Variants in SENP6 observed in about 807,000 individuals in gnomAD.
The protein encoded by SENP6 is SUMO specific peptidase 6, also known as sentrin-specific protease 6.
In SENP6, 41 loss-of-function variants were observed where a neutral mutation model predicts 134.5. The observed-to-expected ratio is 0.30, with a 90% CI of 0.24 to 0.40. The LOEUF is 0.40. SENP6 is among the 10% of genes least tolerant of loss of function. SENP6 has a pLI of 1.00. For synonymous variants in SENP6, 395 were observed against 429.8 expected (o/e 0.92, Z 1.00); for missense variants, 1,248 against 1,312.5 (o/e 0.95, Z 0.76).
intron 5 of SENP6, among the ~76,000 whole-genome samples, chr6:75,638,590 GTA>G (rs1210762229): frequency 4.5e-4 from 28 of 61,580 alleles, no homozygotes; most frequent in African/African-American, 8.1e-4. Context: ...GTGTGTGTGT[GTA>G]TATATATATA....
intron 16 of SENP6, among the ~76,000 whole-genome samples, chr6:75,682,136 G>C (rs1414276726): frequency 6.6e-6 from 1 of 151,826 alleles, no homozygotes; most frequent in Admixed American, 6.6e-5. Flanking sequence ...AATTACCAGG[G>C]ATCAAGAAGG....
At chr6:75,690,157 T>C (rs1181563224) in intron 16 of SENP6, among the ~76,000 whole-genome samples, 1 of 152,170 alleles carries the variant, frequency 6.6e-6, no homozygotes, top group African/African-American at 2.4e-5. Flanking sequence ...GCAGTCCTCC[T>C]ACCTTGGCTT....
chr6:75,672,939 T>C (rs553744038), intron 11 of SENP6, among the ~76,000 whole-genome samples: 1 of 152,238 alleles, frequency 6.6e-6, no homozygotes, highest in Non-Finnish European at 1.5e-5. Context: ...GCCATTCTCC[T>C]GCCTCAGCCT....
At position 75,666,413 on chromosome 6, in the gene SENP6, A is replaced by G. The variant is rs183038302; in HGVS notation, c.995-299A>G. ...AAATAGACCTACTGTTCTTCTTGTA[A>G]CTTGCTGATATTGCTGTTTGGGTGA... On this transcript the variant is annotated intron_variant, in intron 9 of 23. Coordinates refer to ENST00000447266, the MANE Select transcript of SENP6 (RefSeq NM_015571.4). 2.7e-5 allele frequency among the ~76,000 whole-genome samples: 4 copies of G among 150,660 alleles called. No individual in the cohort carries two copies. In the East Asian group the frequency reaches 7.7e-4, roughly 29 times the overall value.
At chr6:75,684,421 C>T (rs1416913534) in intron 16 of SENP6, among the ~76,000 whole-genome samples, 1 of 152,220 alleles carries the variant, frequency 6.6e-6, no homozygotes, top group Non-Finnish European at 1.5e-5. Context: ...CTAGCCAGAA[C>T]TTCCAACACT....
chr6:75,703,756 C>T (rs892782221), intron 19 of SENP6, among the ~76,000 whole-genome samples: 1 of 151,922 alleles, frequency 6.6e-6, no homozygotes, highest in African/African-American at 2.4e-5. Flanking sequence ...AGTGAAACTC[C>T]ATCTCAAAAT....
chr6:75,695,723 T>A, intron 16 of SENP6, 81 bp from the exon 17 acceptor site: 1 of 1,209,632 alleles, frequency 8.3e-7, no homozygotes, highest in Non-Finnish European at 1.1e-6. Flanking sequence ...GGCAACAGAG[T>A]GAGACTCTGT....
intron 16 of SENP6, among the ~76,000 whole-genome samples, chr6:75,691,933 T>G (rs1370402646): frequency 1.3e-5 from 2 of 151,952 alleles, no homozygotes; most frequent in East Asian, 3.9e-4. Flanking sequence ...CTCGGCTTAC[T>G]GCAACATCCG....
chr6:75,665,797 C>T (rs1421414117), intron 9 of SENP6, among the ~76,000 whole-genome samples: 2 of 151,974 alleles, frequency 1.3e-5, no homozygotes, highest in African/African-American at 4.8e-5. Flanking sequence ...GAGGCTGAGG[C>T]AGGCGGATCA....
chr6:75,709,337 A>T (rs76214874), intron 19 of SENP6, among the ~76,000 whole-genome samples, 190 bp from the exon 20 acceptor site: 1,739 of 152,308 alleles, frequency 0.011, 32 homozygotes, highest in African/African-American at 0.039. Flanking sequence ...TAGTGGAAAC[A>T]ACTGTAATTG....
At chr6:75,616,853 T>G (rs1767887975) in intron 1 of SENP6, among the ~76,000 whole-genome samples, 1 of 152,022 alleles carries the variant, frequency 6.6e-6, no homozygotes, top group African/African-American at 2.4e-5. Context: ...CATTTTACAT[T>G]GTGTTTTTAA....
At chr6:75,644,475 CT>C (rs71002753) in intron 6 of SENP6, among the ~76,000 whole-genome samples, 189 of 143,390 alleles carry the variant, frequency 1.3e-3, no homozygotes, top group African/African-American at 2.1e-3. Flanking sequence ...TTCTTTCTTT[CT>C]TTTTTTTTTT....
At chr6:75,710,976 A>T (rs1775713470) in intron 20 of SENP6, among the ~76,000 whole-genome samples, 2 of 152,214 alleles carry the variant, frequency 1.3e-5, no homozygotes, top group Admixed American at 1.3e-4. Flanking sequence ...TAGCTGTCTT[A>T]GCCAACAAAC....
At chr6:75,669,009 A>T (rs1772462243) in intron 10 of SENP6, among the ~76,000 whole-genome samples, 1 of 152,212 alleles carries the variant, frequency 6.6e-6, no homozygotes, top group South Asian at 2.1e-4. Context: ...TACAGCTAAA[A>T]ACAAAACAAA....
intron 16 of SENP6, among the ~76,000 whole-genome samples, chr6:75,689,394 A>G (rs377205416): frequency 6.6e-6 from 1 of 152,180 alleles, no homozygotes; most frequent in African/African-American, 2.4e-5. Flanking sequence ...TCTCACATCC[A>G]TTAGGATGGC....
chr6:75,697,804 G>T (rs1193216836), intron 18 of SENP6: 3 of 256,266 alleles, frequency 1.2e-5, no homozygotes, highest in Non-Finnish European at 2.2e-5. Context: ...TGTCTAGCAA[G>T]TAACCTATAG....
intron 9 of SENP6, among the ~76,000 whole-genome samples, chr6:75,665,302 G>T (rs947661773): frequency 1.3e-5 from 2 of 149,754 alleles, no homozygotes; most frequent in Non-Finnish European, 3.0e-5. Flanking sequence ...AAAAAAAAAA[G>T]TGATATTTAA....
chr6:75,637,644 A>G (rs1031896485), intron 5 of SENP6, among the ~76,000 whole-genome samples: 2 of 152,016 alleles, frequency 1.3e-5, no homozygotes, highest in African/African-American at 4.8e-5. Context: ...CTTTTTATTA[A>G]GTATAGATAA....
chr6:75,625,527 T>G (rs1025379987), intron 3 of SENP6, among the ~76,000 whole-genome samples: 1 of 152,206 alleles, frequency 6.6e-6, no homozygotes, highest in Non-Finnish European at 1.5e-5. Flanking sequence ...ATTTTTCTTT[T>G]AAAGGCTTTT....
Sources: gnomAD v4.1 joint callset for allele counts (sites outside exome capture counted in the v4.1 genomes callset) on GRCh38, gnomAD v4.1.1 for gene constraint, MANE v1.5 for transcripts, NCBI Gene and HGNC (gene_info 2026-07-23, HGNC 2026-07-21) for gene names.